Variants in BICC1 observed in about 807,000 individuals in gnomAD.
The protein encoded by BICC1 is BicC family RNA binding protein 1, also known as protein bicaudal C homolog 1.
In BICC1, 43 loss-of-function variants were observed where a neutral mutation model predicts 111.0. The observed-to-expected ratio is 0.39, with a 90% confidence interval of 0.30 to 0.50. The LOEUF (loss-of-function observed/expected upper bound fraction) is 0.50, where lower values mean the gene tolerates loss of function less well. Among genes scored for constraint, BICC1 ranks in the 20% least tolerant of loss-of-function variants. BICC1 has a pLI of 0.88. For missense variants in BICC1, 1,091 were observed against 1,203.2 expected, an observed-to-expected ratio of 0.91 and a Z score of 1.38; for synonymous variants, 467 against 434.4, an observed-to-expected ratio of 1.07 and a Z score of -0.93.
At chr10:58,787,174 C>CAA (rs576422494) in intron 5 of BICC1, 93 bp downstream of exon 5, 35 of 1,007,522 alleles carry the variant, frequency 3.5e-5, no homozygotes, top group Middle Eastern at 4.6e-4. Context: ...AGAGGTGAGA[C>CAA]AAAAAAAAAA....
chr10:58,561,890 C>T (rs113075167), intron 1 of BICC1, among the ~76,000 whole-genome samples: 11 of 152,196 alleles, frequency 7.2e-5, no homozygotes, highest in African/African-American at 2.4e-4. Context: ...AATATTTTTG[C>T]TGGGTACAGT....
At chr10:58,818,154 C>T (rs1456813245) in intron 19 of BICC1, among the ~76,000 whole-genome samples, 1 of 152,096 alleles carries the variant, frequency 6.6e-6, no homozygotes, top group Non-Finnish European at 1.5e-5. Flanking sequence ...TCATCCTGGT[C>T]ATGCTGAAGT....
At chr10:58,603,137 A>C (rs576997681) in intron 1 of BICC1, among the ~76,000 whole-genome samples, 65 of 152,308 alleles carry the variant, frequency 4.3e-4, no homozygotes, top group African/African-American at 1.5e-3. Flanking sequence ...TTTAGGTCAT[A>C]ATGAGTTGTG....
At chr10:58,779,804 T>C (rs1842837905) in intron 3 of BICC1, among the ~76,000 whole-genome samples, 2 of 152,228 alleles carry the variant, frequency 1.3e-5, no homozygotes, top group Admixed American at 1.3e-4. Context: ...GTGTGATACA[T>C]TCTGGCTTTT....
chr10:58,726,248 GT>G (rs1841100965), intron 3 of BICC1, among the ~76,000 whole-genome samples: 1 of 152,086 alleles, frequency 6.6e-6, no homozygotes, highest in African/African-American at 2.4e-5. Flanking sequence ...CATTTAACCA[GT>G]TTTAATAATA....
chr10:58,662,616 A>G (rs1415016515), intron 2 of BICC1, among the ~76,000 whole-genome samples: 2 of 152,202 alleles, frequency 1.3e-5, no homozygotes, highest in African/African-American at 2.4e-5. Flanking sequence ...CTCGTATTAC[A>G]ATGAGAAGGG....
intron 1 of BICC1, among the ~76,000 whole-genome samples, chr10:58,601,170 A>ATATATATATATATATC (rs1277649903): frequency 7.3e-6 from 1 of 136,434 alleles, no homozygotes; most frequent in African/African-American, 2.6e-5. Flanking sequence ...ATATATATAT[A>ATATATATATATATATC]TCTCCCAATA....
At chr10:58,658,400 G>C (rs1337380178) in intron 2 of BICC1, among the ~76,000 whole-genome samples, 1 of 152,016 alleles carries the variant, frequency 6.6e-6, no homozygotes, top group Non-Finnish European at 1.5e-5. Context: ...TGTTGGCCAG[G>C]CTGTTCTCGA....
At chr10:58,568,074 A>G (rs574608777) in intron 1 of BICC1, among the ~76,000 whole-genome samples, 20 of 152,154 alleles carry the variant, frequency 1.3e-4, no homozygotes, top group Non-Finnish European at 2.4e-4. Context: ...CTTTCTGGCT[A>G]TCTGAGTTTA....
intron 1 of BICC1, among the ~76,000 whole-genome samples, chr10:58,598,139 G>A (rs1315752582): frequency 6.6e-6 from 1 of 151,804 alleles, no homozygotes; most frequent in Non-Finnish European, 1.5e-5. Context: ...TCTATTCAGG[G>A]TCCCTGACTT....
At chr10:58,732,412 TA>T in intron 3 of BICC1, among the ~76,000 whole-genome samples, 1 of 72,360 alleles carries the variant, frequency 1.4e-5, no homozygotes, top group South Asian at 5.3e-4. Context: ...TATATATATA[TA>T]TATATATATA....
intron 2 of BICC1, among the ~76,000 whole-genome samples, chr10:58,682,120 T>G (rs1839545981): frequency 6.6e-6 from 1 of 150,832 alleles, no homozygotes; most frequent in Admixed American, 6.6e-5. Flanking sequence ...ATGCAATGGT[T>G]GGTTTTCTGT....
chr10:58,768,520 TCC>T (rs1280812747), intron 3 of BICC1, among the ~76,000 whole-genome samples: 1 of 152,120 alleles, frequency 6.6e-6, no homozygotes, highest in Non-Finnish European at 1.5e-5. Context: ...GTATTTTTAC[TCC>T]CTGGTAAAAA....
chr10:58,746,311 G>A (rs1345523821), intron 3 of BICC1, among the ~76,000 whole-genome samples: 4 of 152,246 alleles, frequency 2.6e-5, no homozygotes, highest in South Asian at 4.2e-4. Flanking sequence ...TTTGTGAAGT[G>A]CCTCAGCATT....
At chr10:58,777,482 A>T (rs749619119) in intron 3 of BICC1, among the ~76,000 whole-genome samples, 8 of 152,112 alleles carry the variant, frequency 5.3e-5, no homozygotes, top group Non-Finnish European at 8.8e-5. Context: ...TTTTTATCCA[A>T]TTGGTAAACC....
At chr10:58,712,215 A>G (rs187749028) in intron 3 of BICC1, among the ~76,000 whole-genome samples, 115 of 152,308 alleles carry the variant, frequency 7.6e-4, no homozygotes, top group Middle Eastern at 3.4e-3. Flanking sequence ...GCTGGTGAGA[A>G]TGTGGAGCCA....
chr10:58,799,953 T>A (rs527299226), intron 12 of BICC1, among the ~76,000 whole-genome samples: 1 of 152,294 alleles, frequency 6.6e-6, no homozygotes, highest in South Asian at 2.1e-4. Context: ...TATGGCCAGT[T>A]TAATGATATT....
intron 1 of BICC1, 28 bp from the exon 2 acceptor site, chr10:58,620,827 T>A (rs1845778967): frequency 6.2e-7 from 1 of 1,604,912 alleles, no homozygotes; most frequent in African/African-American, 1.3e-5. Flanking sequence ...TGAAAAAGTA[T>A]TTTAAATGTG....
chr10:58,647,800 A>C (rs1436355506), intron 2 of BICC1, among the ~76,000 whole-genome samples: 1 of 152,110 alleles, frequency 6.6e-6, no homozygotes, highest in Non-Finnish European at 1.5e-5. Flanking sequence ...AAATGTGTAT[A>C]ATCACGTAAA....
Sources: allele counts gnomAD v4.1 joint callset (sites outside exome capture counted in the v4.1 genomes callset), GRCh38; gene constraint gnomAD v4.1.1; transcripts MANE v1.5; gene names NCBI Gene and HGNC (gene_info 2026-07-23, HGNC 2026-07-21).